The following HRH1 variants were observed in gnomAD, a reference collection of about 807,000 sequenced individuals.
HRH1 encodes the protein histamine H1 receptor.
In HRH1, 6 loss-of-function variants were observed where a neutral mutation model predicts 10.3. The ratio of observed to expected loss-of-function variants is 0.58; its 90% CI spans 0.32 to 1.15. The LOEUF is 1.15. HRH1 is among the 50% of genes most tolerant of loss of function. The probability of loss-of-function intolerance (pLI) is 0.05; values close to 1 mark genes in which losing one functional copy is unlikely to be tolerated. For missense variants in HRH1, 514 were observed against 615.3 expected (o/e 0.84, Z 1.74); for synonymous variants, 242 against 236.7 (o/e 1.02, Z -0.21).
At position 11,260,459 on chromosome 3, in the gene HRH1, CT is replaced by C; in HGVS notation, c.1424del (p.Phe475SerfsTer79). On this transcript the variant is annotated frameshift_variant, in exon 2 of 2. Transcript: ENST00000431010. LOFTEE classifies it high-confidence loss of function. ...TCATCTACCCCTTGTGCAATGAGAA[CT>C]TCAAGAAGACATTCAAGAGAATTCT... ...PLIYPLCNENFKKTFKRILHI... is the reference protein window; with the variant it reads ...PLIYPLCNENXKKTFKRILHI... The C allele has an allele frequency of 6.2e-7, 1 of 1,610,750 alleles. No homozygotes were observed. Among genetic ancestry groups the C allele is most frequent in the Non-Finnish European group, 8.5e-7 (1 of 1,178,116 alleles).
At chr3:11,228,607 A>G (rs943693125) in intron 1 of HRH1, among the ~76,000 whole-genome samples, 1 of 151,440 alleles carries the variant, frequency 6.6e-6, no homozygotes, top group African/African-American at 2.4e-5. Flanking sequence ...CGTGAAGGAC[A>G]CCTGAATTCA....
intron 1 of HRH1, among the ~76,000 whole-genome samples, chr3:11,229,489 C>T (rs1010106763): frequency 2.6e-5 from 4 of 152,044 alleles, no homozygotes; most frequent in Non-Finnish European, 5.9e-5. Flanking sequence ...TTGGGTGTTA[C>T]CTGAAGTGAC....
chr3:11,206,895 G>C (rs1048481343), intron 1 of HRH1, among the ~76,000 whole-genome samples: 2 of 152,218 alleles, frequency 1.3e-5, no homozygotes, highest in Non-Finnish European at 2.9e-5. Flanking sequence ...GACGGAATAG[G>C]GTGGGAGAGC....
intron 1 of HRH1, among the ~76,000 whole-genome samples, chr3:11,199,376 C>T (rs1427982962): frequency 6.6e-6 from 1 of 152,144 alleles, no homozygotes; most frequent in Non-Finnish European, 1.5e-5. Flanking sequence ...TTTGCCCTCA[C>T]CTCAGGGCCT....
chr3:11,198,325 A>G (rs963307691), intron 1 of HRH1, among the ~76,000 whole-genome samples: 4 of 149,408 alleles, frequency 2.7e-5, no homozygotes, highest in East Asian at 2.0e-4. Flanking sequence ...CCACATTCCA[A>G]TTCCCGACGC....
chr3:11,163,556 G>C (rs1395525625), intron 1 of HRH1, among the ~76,000 whole-genome samples: 1 of 152,094 alleles, frequency 6.6e-6, no homozygotes, highest in African/African-American at 2.4e-5. Context: ...CTGTGCCTCA[G>C]CTTCCTCATC....
chr3:11,158,163 G>A (rs1326068451), intron 1 of HRH1, among the ~76,000 whole-genome samples: 1 of 152,188 alleles, frequency 6.6e-6, no homozygotes, highest in East Asian at 1.9e-4. Context: ...ATGAAGAAAT[G>A]TTATGAACAG....
In HRH1 at chr3:11,208,955, A is replaced by G. The variant is rs112122759; in HGVS notation, c.-35-50048A>G. On this transcript the variant is annotated intron_variant, in intron 1 of 1. Transcript: ENST00000431010. ...AAAAGCTACAAAACTGCCCACAGAGAGTAATAATTTGCATCACCCCAGCCA... is the reference window on the plus strand; with the variant it reads ...AAAAGCTACAAAACTGCCCACAGAGGGTAATAATTTGCATCACCCCAGCCA... Among the ~76,000 whole-genome samples, 661 of 152,340 alleles carry G rather than the reference A, an allele frequency of 4.3e-3. 3 individuals carry two copies. The highest frequency in any genetic ancestry group is 0.015 in the African/African-American group (629 of 41,576).
At chr3:11,143,801 G>C (rs140799219) in intron 1 of HRH1, among the ~76,000 whole-genome samples, 101 of 152,242 alleles carry the variant, frequency 6.6e-4, no homozygotes, top group Non-Finnish European at 1.2e-3. Flanking sequence ...CCAAGGGTTT[G>C]CTCGTGCTGT....
chr3:11,243,996 G>T (rs1939414453), intron 1 of HRH1, among the ~76,000 whole-genome samples: 1 of 152,190 alleles, frequency 6.6e-6, no homozygotes, highest in South Asian at 2.1e-4. Context: ...ATTCGAGTTG[G>T]CTGTATGTGA....
intron 1 of HRH1, among the ~76,000 whole-genome samples, chr3:11,143,115 A>T (rs2124992664): frequency 1.3e-5 from 2 of 152,264 alleles, no homozygotes; most frequent in South Asian, 4.1e-4. Context: ...CGCAGGGGTC[A>T]GATGATGTGA....
In HRH1 at chr3:11,168,449, C is replaced by T. The variant is rs537365960; in HGVS notation, c.-36+13895C>T. Among the ~76,000 whole-genome samples, 4 of 152,336 alleles carry T rather than the reference C, an allele frequency of 2.6e-5. No individual in the cohort carries two copies. In the East Asian group the frequency reaches 7.7e-4, roughly 29 times the overall value. On this transcript the variant is annotated intron_variant, in intron 1 of 1. Transcript: ENST00000431010. ...CTGTCCAAGCCAGGGTGGCAGGGGC[C>T]TAGGCCAGGGTACAATGTGGAGGCA...
chr3:11,259,409 T>TCGCTAC lies in HRH1; in HGVS notation c.377_382dup (p.Tyr126_Arg127dup). Reference sequence around the variant, plus strand: ...TCAGTGTCTTCATCCTGTGCATTGATCGCTACCGCTCTGTCCAGCAGCCCC... The same window carrying TCGCTAC: ...TCAGTGTCTTCATCCTGTGCATTGATCGCTACCGCTACCGCTCTGTCCAGCAGCCCC... On this transcript the variant is annotated inframe_insertion, in exon 2 of 2. Transcript: ENST00000431010. This position sits in a 1 kb window ranked among gnomAD's most constrained non-coding sequence, Gnocchi z 4.6. 1 of 1,613,782 alleles carries TCGCTAC rather than the reference T, an allele frequency of 6.2e-7. No individual in the cohort carries two copies. Among genetic ancestry groups the TCGCTAC allele is most frequent in the Non-Finnish European group, 8.5e-7 (1 of 1,179,918 alleles).
chr3:11,256,007 G>T (rs1415168880), intron 1 of HRH1, among the ~76,000 whole-genome samples: 2 of 152,206 alleles, frequency 1.3e-5, no homozygotes, highest in Non-Finnish European at 2.9e-5. Flanking sequence ...AGGTGAAGCT[G>T]CAAGGTATTA....
At chr3:11,179,343 G>A (rs527750893) in intron 1 of HRH1, among the ~76,000 whole-genome samples, 25 of 151,528 alleles carry the variant, frequency 1.6e-4, no homozygotes, top group African/African-American at 5.3e-4. Context: ...AGCCAGGGCC[G>A]GGCGCGGTGG....
At chr3:11,249,208 A>G (rs1201873872) in intron 1 of HRH1, among the ~76,000 whole-genome samples, 3 of 152,060 alleles carry the variant, frequency 2.0e-5, no homozygotes, top group African/African-American at 7.2e-5. Context: ...CATCCTGGAT[A>G]ACACAGTGAA....
chr3:11,200,331 G>C (rs923996869), intron 1 of HRH1, among the ~76,000 whole-genome samples: 1 of 152,122 alleles, frequency 6.6e-6, no homozygotes, highest in Non-Finnish European at 1.5e-5. Context: ...AAGTGAGTTG[G>C]GGTTTTCTGT....
At chr3:11,161,704 C>T (rs1484603417) in intron 1 of HRH1, among the ~76,000 whole-genome samples, 1 of 152,178 alleles carries the variant, frequency 6.6e-6, no homozygotes, top group Admixed American at 6.5e-5. Flanking sequence ...GTAAGAAACA[C>T]TGGGCAAGGA....
At chr3:11,231,940 C>T (rs1004979998) in intron 1 of HRH1, among the ~76,000 whole-genome samples, 3 of 151,186 alleles carry the variant, frequency 2.0e-5, no homozygotes, top group Non-Finnish European at 4.4e-5. Context: ...TGTTTTTCTA[C>T]AAGTTTTGTA....
Sources: allele counts gnomAD v4.1 joint callset (sites outside exome capture counted in the v4.1 genomes callset), GRCh38; gene constraint gnomAD v4.1.1; non-coding constraint Gnocchi (gnomAD v3.1); transcripts MANE v1.5; gene names NCBI Gene and HGNC (gene_info 2026-07-23, HGNC 2026-07-21).